Variants in NHSL1 observed in about 807,000 individuals in gnomAD.
The protein encoded by NHSL1 is NHS-like protein 1.
Under a neutral mutation model 95.0 loss-of-function variants are expected in NHSL1, and 48 were observed. That is an observed-to-expected ratio of 0.51 (90% CI 0.40 to 0.64). NHSL1 has a LOEUF of 0.64. NHSL1 is among the 30% of genes least tolerant of loss of function. The pLI, the probability that NHSL1 is intolerant of heterozygous loss-of-function variation, is 0.00. For missense variants in NHSL1, 1,971 were observed against 2,077.7 expected, an observed-to-expected ratio of 0.95 and a Z score of 1.00; for synonymous variants, 783 against 833.9, an observed-to-expected ratio of 0.94 and a Z score of 1.05.
rs566106004 is a variant in NHSL1, at chr6:138,445,949, G to A, written c.532+1052C>T. On this transcript the variant is annotated intron_variant, in intron 4 of 7. Coordinates refer to ENST00000343505, the MANE Select transcript of NHSL1 (RefSeq NM_001144060.2). ...AGTTGAAGCTATTAACTCTTCACAT[G>A]TCTATTTTGCACTTTGTGCCCTCCC... Among the ~76,000 whole-genome samples the A allele has an allele frequency of 3.9e-5, 6 of 151,940 alleles. No individual in the cohort carries two copies. In the East Asian group the frequency reaches 1.2e-3, roughly 29 times the overall value.
At chr6:138,568,517 T>A (rs889666024) in intron 1 of NHSL1, among the ~76,000 whole-genome samples, 3 of 152,234 alleles carry the variant, frequency 2.0e-5, no homozygotes, top group Admixed American at 6.5e-5. Context: ...CATCTACTAC[T>A]GTAGTGGGTC....
intron 7 of NHSL1, 33 bp downstream of exon 7, chr6:138,429,678 T>C (rs1245716333): frequency 2.0e-6 from 3 of 1,526,834 alleles, no homozygotes; most frequent in Non-Finnish European, 2.6e-6. Flanking sequence ...AATTACACAG[T>C]AGATTAAAGT....
chr6:138,687,799 G>A (rs1244668052), intron 1 of NHSL1, among the ~76,000 whole-genome samples: 1 of 152,194 alleles, frequency 6.6e-6, no homozygotes, highest in African/African-American at 2.4e-5. Context: ...GAGGCAGAAA[G>A]TAGATCAGTG....
intron 1 of NHSL1, among the ~76,000 whole-genome samples, chr6:138,679,798 A>C: frequency 6.6e-6 from 1 of 152,202 alleles, no homozygotes; most frequent in East Asian, 1.9e-4. Flanking sequence ...ACATGGGGGA[A>C]TAGCTCATGA....
intron 1 of NHSL1, among the ~76,000 whole-genome samples, chr6:138,505,218 T>A (rs1420991449): frequency 1.3e-5 from 2 of 152,180 alleles, no homozygotes; most frequent in South Asian, 4.1e-4. Flanking sequence ...ATCCAAAAAC[T>A]TTTTCACAAA....
intron 1 of NHSL1, among the ~76,000 whole-genome samples, chr6:138,654,869 G>A (rs1785137283): frequency 6.6e-6 from 1 of 152,184 alleles, no homozygotes; most frequent in Non-Finnish European, 1.5e-5. Context: ...CTAATTATGT[G>A]AAAAGAAACC....
chr6:138,425,193 C>A (rs556050288), intron 7 of NHSL1, among the ~76,000 whole-genome samples: 9 of 152,192 alleles, frequency 5.9e-5, no homozygotes, highest in Non-Finnish European at 1.2e-4. Flanking sequence ...CGGATTCAAG[C>A]GATTCTCCCT....
intron 1 of NHSL1, among the ~76,000 whole-genome samples, chr6:138,588,684 T>C (rs1374377975): frequency 1.3e-5 from 2 of 152,220 alleles, no homozygotes; most frequent in African/African-American, 2.4e-5. Context: ...AGCAAGCTGA[T>C]CTCTTAAAAC....
chr6:138,557,393 A>C (rs1783232243), intron 1 of NHSL1, among the ~76,000 whole-genome samples: 1 of 152,128 alleles, frequency 6.6e-6, no homozygotes, highest in African/African-American at 2.4e-5. Flanking sequence ...GTTGCAATAC[A>C]CTGGGTTACC....
At chr6:138,564,389 A>C (rs1783528429) in intron 1 of NHSL1, among the ~76,000 whole-genome samples, 1 of 152,156 alleles carries the variant, frequency 6.6e-6, no homozygotes, top group Non-Finnish European at 1.5e-5. Context: ...GATTACAGGC[A>C]GTGGCTCAAG....
At chr6:138,502,573 A>T (rs1301790943), upstream of NHSL1, among the ~76,000 whole-genome samples, 1 of 152,096 alleles carries the variant, frequency 6.6e-6, no homozygotes, top group Non-Finnish European at 1.5e-5. Flanking sequence ...TCAGCTTCCC[A>T]AAGTGTTTGG....
intron 5 of NHSL1, among the ~76,000 whole-genome samples, chr6:138,436,673 T>C (rs541962857): frequency 1.3e-5 from 2 of 152,356 alleles, no homozygotes; most frequent in East Asian, 3.9e-4. Flanking sequence ...TAGTGGAAGA[T>C]GTCATCTAGG....
intron 1 of NHSL1, among the ~76,000 whole-genome samples, chr6:138,566,259 G>A (rs574995529): frequency 2.0e-4 from 31 of 151,796 alleles, no homozygotes; most frequent in East Asian, 1.6e-3. Flanking sequence ...TTAGCCGGGC[G>A]TGGTGGCGGG....
chr6:138,501,052 A>G (rs1215668694), upstream of NHSL1, among the ~76,000 whole-genome samples: 1 of 152,212 alleles, frequency 6.6e-6, no homozygotes, highest in Non-Finnish European at 1.5e-5. Flanking sequence ...ATTGCATTAG[A>G]CACAAGGAGA....
chr6:138,688,162 G>C (rs918361856), intron 1 of NHSL1, among the ~76,000 whole-genome samples: 1 of 152,106 alleles, frequency 6.6e-6, no homozygotes. Context: ...ATGTTGGCCA[G>C]GCTGGTCTCG....
chr6:138,473,021 T>C (rs374255344), intron 3 of NHSL1, among the ~76,000 whole-genome samples: 1 of 152,232 alleles, frequency 6.6e-6, no homozygotes, highest in Non-Finnish European at 1.5e-5. Context: ...GTCTCCTTTA[T>C]GAATTCCTTA....
chr6:138,571,632 G>T, intron 1 of NHSL1: 2 of 1,353,630 alleles, frequency 1.5e-6, no homozygotes, highest in Non-Finnish European at 2.0e-6. Context: ...CAAAAATCAT[G>T]AAGGGGGAGT....
intron 1 of NHSL1, among the ~76,000 whole-genome samples, chr6:138,559,787 T>C (rs1157802593): frequency 6.6e-6 from 1 of 152,212 alleles, no homozygotes; most frequent in Non-Finnish European, 1.5e-5. Flanking sequence ...TTCTGTTTGA[T>C]AACATAGAAT....
intron 2 of NHSL1, 120 bp from the exon 3 acceptor site, chr6:138,473,553 G>T: frequency 8.7e-7 from 1 of 1,149,520 alleles, no homozygotes; most frequent in Non-Finnish European, 1.1e-6. Context: ...GGCATTAATA[G>T]GATTTTAAAA....
Sources: gnomAD v4.1 joint callset for allele counts (sites outside exome capture counted in the v4.1 genomes callset) on GRCh38, gnomAD v4.1.1 for gene constraint, MANE v1.5 for transcripts, NCBI Gene and HGNC (gene_info 2026-07-23, HGNC 2026-07-21) for gene names.